SLC25A26: variants seen among roughly 807,000 people sequenced by gnomAD.
The protein encoded by SLC25A26 is solute carrier family 25 member 26.
SLC25A26 carries 36 observed loss-of-function variants against 37.8 expected under a neutral mutation model. The ratio of observed to expected loss-of-function variants is 0.95; its 90% CI spans 0.73 to 1.26. The LOEUF is 1.26. Ranked by LOEUF, SLC25A26 falls within the 50% of genes most tolerant of loss-of-function variation. SLC25A26 has a pLI of 0.00. For synonymous variants in SLC25A26, 129 were observed against 122.5 expected (o/e 1.05, Z -0.35); for missense variants, 390 against 331.1 (o/e 1.18, Z -1.38).
chr3:66,275,790 G>C (rs1350380035), intron 5 of SLC25A26, among the ~76,000 whole-genome samples: 1 of 151,976 alleles, frequency 6.6e-6, no homozygotes, highest in Non-Finnish European at 1.5e-5. Context: ...AGTTACTCCT[G>C]TAACTATTTC....
At chr3:66,352,356 G>A (rs759606232) in intron 6 of SLC25A26, among the ~76,000 whole-genome samples, 8 of 151,784 alleles carry the variant, frequency 5.3e-5, no homozygotes, top group Admixed American at 2.6e-4. Flanking sequence ...GCCTTATCCC[G>A]TGCCACTCAC....
intron 5 of SLC25A26, among the ~76,000 whole-genome samples, chr3:66,318,472 C>T (rs1220951526): frequency 2.0e-5 from 3 of 152,046 alleles, no homozygotes; most frequent in African/African-American, 7.2e-5. Context: ...CTTGCTCCAG[C>T]CTGCCTTTCC....
intron 3 of SLC25A26, among the ~76,000 whole-genome samples, chr3:66,254,563 G>T (rs1050710709): frequency 6.6e-6 from 1 of 152,216 alleles, no homozygotes; most frequent in Non-Finnish European, 1.5e-5. Flanking sequence ...AGAGTTGCCT[G>T]TTGAAACATG....
intron 5 of SLC25A26, among the ~76,000 whole-genome samples, chr3:66,270,025 C>T (rs2073902811): frequency 6.6e-6 from 1 of 152,036 alleles, no homozygotes; most frequent in Non-Finnish European, 1.5e-5. Context: ...TATTTTTGTT[C>T]AGATGCTGCC....
At chr3:66,164,128 A>C (rs1266309042) in intron 1 of SLC25A26, among the ~76,000 whole-genome samples, 2 of 152,210 alleles carry the variant, frequency 1.3e-5, no homozygotes, top group Non-Finnish European at 2.9e-5. Context: ...TTTGTAATCA[A>C]CAGGACCTTT....
rs531821075 is a variant in SLC25A26, at chr3:66,349,875, T to C, written c.498+3467T>C. Among the ~76,000 whole-genome samples, 4 of 152,298 alleles carry C rather than the reference T, an allele frequency of 2.6e-5. No individual in the cohort carries two copies. The East Asian group carries it at 7.7e-4, about 29-fold the overall frequency. On this transcript the variant is annotated intron_variant, in intron 6 of 9. Coordinates refer to ENST00000354883, the MANE Select transcript of SLC25A26 (RefSeq NM_001379210.1). ...CATCCATGTCATTTCTTGTTACTAT[T>C]AGGTTAAATTTTTTTTCCAGCCATT...
chr3:66,286,596 G>T (rs749387101), intron 5 of SLC25A26, among the ~76,000 whole-genome samples: 27 of 152,020 alleles, frequency 1.8e-4, no homozygotes, highest in Non-Finnish European at 3.5e-4. Context: ...TCTTTATTTA[G>T]GTGTTTGTTT....
intron 5 of SLC25A26, among the ~76,000 whole-genome samples, chr3:66,316,302 C>T (rs2075537574): frequency 6.6e-6 from 1 of 152,216 alleles, no homozygotes; most frequent in African/African-American, 2.4e-5. Context: ...TCTTGCAAGG[C>T]AGGCTTGGTG....
At chr3:66,345,602 C>G (rs1200116999) in intron 5 of SLC25A26, among the ~76,000 whole-genome samples, 5 of 151,254 alleles carry the variant, frequency 3.3e-5, no homozygotes, top group Non-Finnish European at 7.4e-5. Context: ...ACTCCTTTCT[C>G]TCTCCCCTTC....
intron 5 of SLC25A26, among the ~76,000 whole-genome samples, chr3:66,291,663 G>T (rs1229584648): frequency 6.6e-5 from 10 of 152,176 alleles, no homozygotes; most frequent in Admixed American, 6.5e-4. Flanking sequence ...ACTGTGATCT[G>T]AGAGACTATG....
At chr3:66,161,130 A>T (rs150401215) in intron 1 of SLC25A26, among the ~76,000 whole-genome samples, 52 of 152,138 alleles carry the variant, frequency 3.4e-4, no homozygotes, top group African/African-American at 1.0e-3. Context: ...CCAAAAGGAT[A>T]GAAAAGGATT....
intron 4 of SLC25A26, among the ~76,000 whole-genome samples, chr3:66,262,498 T>A (rs546245432): frequency 6.6e-6 from 1 of 152,300 alleles, no homozygotes; most frequent in Admixed American, 6.5e-5. Context: ...TGGAAGAGAT[T>A]TAGTACTGGA....
intron 5 of SLC25A26, among the ~76,000 whole-genome samples, chr3:66,288,765 T>C (rs774912113): frequency 1.1e-4 from 16 of 152,212 alleles, no homozygotes; most frequent in Middle Eastern, 3.2e-3. Context: ...TTTGCTGTTG[T>C]GAATAGTGCC....
chr3:66,274,073 C>T (rs2074047696), intron 5 of SLC25A26, among the ~76,000 whole-genome samples: 1 of 152,078 alleles, frequency 6.6e-6, no homozygotes, highest in Admixed American at 6.6e-5. Flanking sequence ...TGGAACAGAA[C>T]AGAGCCCTCA....
chr3:66,331,570 T>C (rs1459952765), intron 5 of SLC25A26, among the ~76,000 whole-genome samples: 2 of 152,206 alleles, frequency 1.3e-5, no homozygotes, highest in Non-Finnish European at 2.9e-5. Flanking sequence ...TCATGTGTCA[T>C]ATAGTTTTTT....
At chr3:66,273,389 T>C (rs933347621) in intron 5 of SLC25A26, among the ~76,000 whole-genome samples, 1 of 152,148 alleles carries the variant, frequency 6.6e-6, no homozygotes, top group Non-Finnish European at 1.5e-5. Context: ...CTTGTACCTC[T>C]GGTAGAATTC....
intron 7 of SLC25A26, among the ~76,000 whole-genome samples, chr3:66,369,126 A>C (rs1459348312): frequency 6.6e-6 from 1 of 150,910 alleles, no homozygotes; most frequent in Non-Finnish European, 1.5e-5. Context: ...AGTGTGTCTC[A>C]CATATTGAGA....
intron 1 of SLC25A26, among the ~76,000 whole-genome samples, chr3:66,150,891 G>A (rs1272820526): frequency 6.6e-6 from 1 of 151,766 alleles, no homozygotes; most frequent in Non-Finnish European, 1.5e-5. Context: ...TGGGAACCCA[G>A]CTGCTCCTAC....
chr3:66,349,421 C>G (rs532731025), intron 6 of SLC25A26, among the ~76,000 whole-genome samples: 2 of 152,040 alleles, frequency 1.3e-5, no homozygotes, highest in African/African-American at 4.8e-5. Flanking sequence ...GTAGTCTTCT[C>G]TTTTCCAGAA....
Sources: gnomAD v4.1 joint callset for allele counts (sites outside exome capture counted in the v4.1 genomes callset) on GRCh38, gnomAD v4.1.1 for gene constraint, MANE v1.5 for transcripts, NCBI Gene and HGNC (gene_info 2026-07-23, HGNC 2026-07-21) for gene names.